Variants in NBAS observed in about 807,000 individuals in gnomAD.
The protein encoded by NBAS is NBAS subunit of NRZ tethering complex.
A neutral mutation model predicts 302.5 loss-of-function variants in NBAS; 219 were observed. The observed-to-expected ratio is 0.72, with a 90% CI of 0.65 to 0.81. The LOEUF (loss-of-function observed/expected upper bound fraction) is 0.81. Among genes scored for constraint, NBAS ranks in the 30% least tolerant of loss-of-function variants. The pLI is 0.00. For synonymous variants in NBAS, 1,118 were observed against 1,021.6 expected, an observed-to-expected ratio of 1.09 and a Z score of -1.80; for missense variants, 2,932 against 2,841.6, an observed-to-expected ratio of 1.03 and a Z score of -0.72.
At chr2:15,071,210 A>C in the NBAS span, among the ~76,000 whole-genome samples, 1 of 152,218 alleles carries the variant, frequency 6.6e-6, no homozygotes, top group African/African-American at 2.4e-5. Context: ...CTCAACAGGG[A>C]ACAATGTTCC....
In NBAS at chr2:15,292,640, A is replaced by T. The variant is rs1329637983; in HGVS notation, c.4924T>A (p.Phe1642Ile). ...CCCTGAAGGATCTGCGCCTGAGTGA[A>T]ATCCAGGAGACGTTCATTGTAGCAG... is the stretch of plus-strand genomic sequence containing the variant. ...LHCYNERLLD[F>I]TQAQILQGLR... Residue 1642 changes from phenylalanine to isoleucine, a missense_variant, in exon 41 of 52, where the codon TTC becomes ATC. Phe to Ile is a conservative substitution (Grantham distance 21). Transcript: ENST00000281513. The T allele has an allele frequency of 6.2e-7, 1 of 1,614,200 alleles. No homozygotes were observed. The highest frequency in any genetic ancestry group is 8.5e-7 in the Non-Finnish European group (1 of 1,180,032).
the NBAS span, among the ~76,000 whole-genome samples, chr2:15,121,359 T>G: frequency 1.3e-5 from 2 of 152,166 alleles, no homozygotes; most frequent in African/African-American, 4.8e-5. Context: ...GGAACAACCC[T>G]GCAACCTGCT....
chr2:15,237,202 G>A (rs1226761256), intron 45 of NBAS, among the ~76,000 whole-genome samples: 1 of 152,026 alleles, frequency 6.6e-6, no homozygotes, highest in East Asian at 1.9e-4. Context: ...CAACTTTCCA[G>A]TTATAGAAAA....
At chr2:15,395,432 G>A (rs1156285697) in intron 27 of NBAS, among the ~76,000 whole-genome samples, 1 of 152,026 alleles carries the variant, frequency 6.6e-6, no homozygotes, top group Non-Finnish European at 1.5e-5. Flanking sequence ...AGGAAAAGCT[G>A]ATTTTGTAAA....
At chr2:15,501,584 A>AT (rs70961416) in intron 11 of NBAS, among the ~76,000 whole-genome samples, 4,088 of 107,198 alleles carry the variant, frequency 0.038, 178 homozygotes, top group African/African-American at 0.1. Context: ...TGAACTAAAT[A>AT]TTTTTTTTTT....
chr2:15,222,289 A>C (rs1666979891), intron 47 of NBAS, among the ~76,000 whole-genome samples: 1 of 152,168 alleles, frequency 6.6e-6, no homozygotes, highest in South Asian at 2.1e-4. Flanking sequence ...GAAGGCCTGA[A>C]GCTGTCTAAT....
At chr2:14,983,332 T>C in the NBAS span, among the ~76,000 whole-genome samples, 2 of 152,162 alleles carry the variant, frequency 1.3e-5, no homozygotes. Flanking sequence ...CTTAAAAAAT[T>C]AAAAATTCTA....
intron 9 of NBAS, among the ~76,000 whole-genome samples, chr2:15,529,386 G>A (rs746656702): frequency 1.6e-4 from 25 of 151,964 alleles, no homozygotes; most frequent in Non-Finnish European, 2.9e-4. Flanking sequence ...CCAGCTACTC[G>A]AGAGGCTCAA....
chr2:15,418,082 T>G (rs1677035301), intron 23 of NBAS, among the ~76,000 whole-genome samples: 1 of 152,214 alleles, frequency 6.6e-6, no homozygotes, highest in South Asian at 2.1e-4. Flanking sequence ...CAAAATAACC[T>G]TATTTTTACT....
intron 44 of NBAS, among the ~76,000 whole-genome samples, chr2:15,258,999 T>C (rs901665083): frequency 4.2e-4 from 64 of 152,288 alleles, no homozygotes; most frequent in Admixed American, 1.6e-3. Context: ...TTGTACTCTT[T>C]CTCTTTATTT....
chr2:15,559,143 A>T (rs527738289), intron 1 of NBAS, among the ~76,000 whole-genome samples: 2 of 151,468 alleles, frequency 1.3e-5, no homozygotes, highest in Non-Finnish European at 2.9e-5. Flanking sequence ...AGCTACAGGC[A>T]CATGTCAGGA....
At chr2:15,097,677 C>G in the NBAS span, among the ~76,000 whole-genome samples, 3 of 151,328 alleles carry the variant, frequency 2.0e-5, no homozygotes, top group African/African-American at 7.3e-5. Flanking sequence ...TATGAGGACA[C>G]TAATCCCACT....
At chr2:14,812,713 TATTTGGTTTCTAGTTCCTTC>T in the NBAS span, among the ~76,000 whole-genome samples, 204 of 152,310 alleles carry the variant, frequency 1.3e-3, no homozygotes, top group Non-Finnish European at 2.5e-3. Context: ...AATGACAAGT[TATTTGGTTTCTAGTTCCTTC>T]ATTTTCAAAA....
chr2:15,234,891 T>A (rs1302400390), intron 45 of NBAS, 144 bp from the exon 46 acceptor site: 1 of 872,056 alleles, frequency 1.1e-6, no homozygotes, highest in Non-Finnish European at 1.8e-6. Flanking sequence ...TAGTTAGTTA[T>A]TAAGAGCTTA....
At chr2:15,173,098 A>G (rs1036968915) in intron 51 of NBAS, among the ~76,000 whole-genome samples, 3 of 152,372 alleles carry the variant, frequency 2.0e-5, no homozygotes, top group South Asian at 2.1e-4. Flanking sequence ...GGGCTTATAT[A>G]TATCAGAAGA....
At chr2:15,004,651 C>T in the NBAS span, among the ~76,000 whole-genome samples, 2 of 150,910 alleles carry the variant, frequency 1.3e-5, no homozygotes, top group Non-Finnish European at 2.9e-5. Flanking sequence ...CAGGCGCAGA[C>T]CACCACTCCC....
chr2:15,117,183 G>T, the NBAS span, among the ~76,000 whole-genome samples: 2 of 152,054 alleles, frequency 1.3e-5, no homozygotes, highest in Non-Finnish European at 2.9e-5. Flanking sequence ...TGGAAGTCAG[G>T]GTAAATAAAC....
chr2:15,341,994 A>C (rs1326113685), intron 35 of NBAS, among the ~76,000 whole-genome samples: 1 of 152,160 alleles, frequency 6.6e-6, no homozygotes, highest in Non-Finnish European at 1.5e-5. Flanking sequence ...CTGTCCAAAA[A>C]ACAACTGAAC....
intron 44 of NBAS, among the ~76,000 whole-genome samples, chr2:15,268,381 T>C (rs1171942907): frequency 6.6e-6 from 1 of 152,212 alleles, no homozygotes; most frequent in Non-Finnish European, 1.5e-5. Context: ...TAGCCTGAGT[T>C]GATGTGTGCT....
Sources: gnomAD v4.1 joint callset for allele counts (sites outside exome capture counted in the v4.1 genomes callset) on GRCh38, gnomAD v4.1.1 for gene constraint, MANE v1.5 for transcripts, NCBI Gene and HGNC (gene_info 2026-07-23, HGNC 2026-07-21) for gene names.